MRPS35: variants seen among roughly 807,000 people sequenced by gnomAD.
The protein encoded by MRPS35 is mitochondrial ribosomal protein S35.
In MRPS35, 29 loss-of-function variants were observed where a neutral mutation model predicts 32.7. That is an observed-to-expected ratio of 0.89 (90% CI 0.66 to 1.21). The LOEUF is 1.21. Among genes scored for constraint, MRPS35 ranks in the 50% most tolerant of loss-of-function variants. The probability of loss-of-function intolerance (pLI) is 0.00; values close to 1 mark genes in which losing one functional copy is unlikely to be tolerated. For missense variants in MRPS35, 373 were observed against 383.8 expected (o/e 0.97, Z 0.23); for synonymous variants, 148 against 139.3 (o/e 1.06, Z -0.44).
intron 7 of MRPS35, among the ~76,000 whole-genome samples, chr12:27,747,912 C>T (rs184764641): frequency 1.1e-3 from 170 of 152,304 alleles, no homozygotes; most frequent in Non-Finnish European, 2.1e-3. Context: ...CTAACACTAA[C>T]GAGCAGTGTG....
At chr12:27,711,229 C>T (rs1017528061) in intron 1 of MRPS35, among the ~76,000 whole-genome samples, 2 of 152,188 alleles carry the variant, frequency 1.3e-5, no homozygotes, top group Admixed American at 6.5e-5. Context: ...CTGTGTTGCC[C>T]CCGTCCACAG....
At chr12:27,741,295 G>A (rs2061964058) in intron 7 of MRPS35, among the ~76,000 whole-genome samples, 2 of 152,266 alleles carry the variant, frequency 1.3e-5, no homozygotes, top group African/African-American at 2.4e-5. Context: ...GACAGACATG[G>A]ATTTGAATTC....
At chr12:27,721,331 G>T (rs1336931695) in intron 4 of MRPS35, among the ~76,000 whole-genome samples, 1 of 152,120 alleles carries the variant, frequency 6.6e-6, no homozygotes, top group Non-Finnish European at 1.5e-5. Context: ...ATGCATTTGT[G>T]CCTGGAATTA....
At chr12:27,744,061 G>A (rs2061973170) in intron 7 of MRPS35, among the ~76,000 whole-genome samples, 1 of 152,138 alleles carries the variant, frequency 6.6e-6, no homozygotes. Context: ...GACCTGCTTT[G>A]AGGCTGTTAC....
intron 7 of MRPS35, among the ~76,000 whole-genome samples, chr12:27,746,669 CTTCA>C (rs2061982739): frequency 6.6e-6 from 1 of 152,246 alleles, no homozygotes; most frequent in South Asian, 2.1e-4. Flanking sequence ...ACCTTTTTGC[CTTCA>C]GGCAGGACTT....
At chr12:27,728,332 TATA>T (rs1427216507) in intron 5 of MRPS35, among the ~76,000 whole-genome samples, 3 of 152,136 alleles carry the variant, frequency 2.0e-5, no homozygotes, top group Non-Finnish European at 2.9e-5. Context: ...AAGAGGCTAA[TATA>T]ATAAATACCC....
rs1313945136 is a variant in MRPS35, at chr12:27,755,532, T to G, written c.*82T>G. 2 of 1,297,914 alleles carry G rather than the reference T, an allele frequency of 1.5e-6. No individual in the cohort carries two copies. Among genetic ancestry groups the G allele is most frequent in the East Asian group, 2.6e-5 (1 of 38,468 alleles). 80.4% of individuals were successfully genotyped at this position (1,297,914 alleles called of 1,614,324 possible). On this transcript the variant is annotated 3_prime_UTR_variant, in exon 8 of 8. Coordinates refer to ENST00000081029, the MANE Select transcript of MRPS35 (RefSeq NM_021821.4). Reference sequence around the variant, plus strand: ...ATCTAATTTGATATAAAATTGAAAATGTTAAAAAATCATTTTTTTTCCTCA... The same window carrying G: ...ATCTAATTTGATATAAAATTGAAAAGGTTAAAAAATCATTTTTTTTCCTCA...
chr12:27,714,139 T>C (rs1380462969), intron 1 of MRPS35, among the ~76,000 whole-genome samples: 3 of 151,742 alleles, frequency 2.0e-5, no homozygotes, highest in Non-Finnish European at 4.4e-5. Flanking sequence ...TACAAACTAA[T>C]TGACTAGGTT....
intron 1 of MRPS35, among the ~76,000 whole-genome samples, chr12:27,712,791 C>T (rs1432304354): frequency 1.3e-5 from 2 of 152,240 alleles, no homozygotes; most frequent in East Asian, 3.9e-4. Flanking sequence ...TCGAGGCCTG[C>T]GGATCCCTTG....
chr12:27,727,298 T>C (rs1428829024), intron 5 of MRPS35, among the ~76,000 whole-genome samples: 2 of 152,162 alleles, frequency 1.3e-5, no homozygotes, highest in Non-Finnish European at 2.9e-5. Context: ...ATGTAAGTCA[T>C]GTGCTGCATA....
intron 6 of MRPS35, among the ~76,000 whole-genome samples, chr12:27,737,145 G>A (rs2061945850): frequency 6.6e-6 from 1 of 152,204 alleles, no homozygotes; most frequent in African/African-American, 2.4e-5. Context: ...GGGATTACAG[G>A]CATGAGGTAC....
intron 6 of MRPS35, among the ~76,000 whole-genome samples, 194 bp from the exon 7 acceptor site, chr12:27,737,345 A>G (rs956834920): frequency 1.3e-5 from 2 of 152,254 alleles, no homozygotes; most frequent in African/African-American, 4.8e-5. Context: ...AAATTAAGTT[A>G]AAATAACACC....
At chr12:27,720,149 T>G (rs1385701818) in intron 4 of MRPS35, among the ~76,000 whole-genome samples, 1 of 152,126 alleles carries the variant, frequency 6.6e-6, no homozygotes, top group Non-Finnish European at 1.5e-5. Flanking sequence ...CCCAGCACTT[T>G]GGAAGGCCGA....
At chr12:27,720,225 C>T (rs530907491) in intron 4 of MRPS35, among the ~76,000 whole-genome samples, 1 of 152,092 alleles carries the variant, frequency 6.6e-6, no homozygotes, top group Admixed American at 6.6e-5. Flanking sequence ...AACCCTGTCT[C>T]TACTAAAAAT....
rs772505121 is a variant in MRPS35, at chr12:27,710,898, C to A, written c.55C>A (p.Leu19Met). ...GTCTCTGCAGTCGAGGGCAAGGACT[C>A]TGCGTGCATTCTCCACTGCCGTCTA... ...WLSLQSRARTLRAFSTAVYSA... is the reference protein window; with the variant it reads ...WLSLQSRARTMRAFSTAVYSA... The change falls in exon 1 of 8, where the codon CTG becomes ATG. Residue 19 changes from leucine to methionine, a missense_variant. Leu to Met is a conservative substitution (Grantham distance 15). Transcript: ENST00000081029. 8 of 1,612,972 alleles carry A rather than the reference C, an allele frequency of 5.0e-6. No individual in the cohort carries two copies. The South Asian group carries it at 8.8e-5, about 18-fold the overall frequency.
chr12:27,719,110 A>G (rs1176589924), intron 3 of MRPS35, among the ~76,000 whole-genome samples: 1 of 152,082 alleles, frequency 6.6e-6, no homozygotes, highest in Non-Finnish European at 1.5e-5. Context: ...AAACAAAACA[A>G]AAATCCACGT....
intron 7 of MRPS35, among the ~76,000 whole-genome samples, chr12:27,747,606 C>T (rs990297024): frequency 3.3e-5 from 5 of 152,134 alleles, no homozygotes; most frequent in Admixed American, 2.6e-4. Context: ...TGTTTTCTCT[C>T]ATACAGCACA....
chr12:27,713,703 G>T (rs542139518), intron 1 of MRPS35, among the ~76,000 whole-genome samples: 18 of 152,304 alleles, frequency 1.2e-4, no homozygotes, highest in African/African-American at 4.1e-4. Context: ...TCAAATGCCT[G>T]TCTCTCCTGG....
At chr12:27,720,139 C>T (rs1392282800) in intron 4 of MRPS35, among the ~76,000 whole-genome samples, 1 of 152,036 alleles carries the variant, frequency 6.6e-6, no homozygotes, top group Non-Finnish European at 1.5e-5. Context: ...TACTTGTAAT[C>T]CCAGCACTTT....
Sources: gnomAD v4.1 joint callset for allele counts (sites outside exome capture counted in the v4.1 genomes callset) on GRCh38, gnomAD v4.1.1 for gene constraint, MANE v1.5 for transcripts, NCBI Gene and HGNC (gene_info 2026-07-23, HGNC 2026-07-21) for gene names.